SLC25A24: variants seen among roughly 807,000 people sequenced by gnomAD.
SLC25A24 encodes the protein mitochondrial adenyl nucleotide antiporter SLC25A24.
Under a neutral mutation model 60.7 loss-of-function variants are expected in SLC25A24, and 49 were observed. The ratio of observed to expected loss-of-function variants is 0.81; its 90% CI spans 0.64 to 1.02. The LOEUF is 1.02. Ranked by LOEUF, SLC25A24 falls within the 50% of genes least tolerant of loss-of-function variation. The probability of loss-of-function intolerance (pLI) is 0.00; values close to 1 mark genes in which losing one functional copy is unlikely to be tolerated. For missense variants in SLC25A24, 564 were observed against 586.3 expected (o/e 0.96, Z 0.39); for synonymous variants, 202 against 200.6 (o/e 1.01, Z -0.06).
chr1:108,192,423 C>T, intron 1 of SLC25A24: 1 of 1,133,222 alleles, frequency 8.8e-7, no homozygotes. Context: ...GTAAATTTTG[C>T]CCTCTCTGCC....
chr1:108,146,915 T>C lies in SLC25A24; in HGVS notation c.930+1364A>G, dbSNP rs1679608506. 2.0e-5 allele frequency among the ~76,000 whole-genome samples: 3 copies of C among 152,346 alleles called. No homozygotes were observed. The South Asian group carries it at 6.2e-4, about 32-fold the overall frequency. ...TCTCTGCCAGGTTTTAGTATCAGAA[T>C]GATGCTGCCCTCATAAAATGAGTTA... On this transcript the variant is annotated intron_variant, in intron 7 of 9. Transcript: ENST00000565488.
intron 3 of SLC25A24, among the ~76,000 whole-genome samples, chr1:108,170,690 A>T (rs1053625621): frequency 1.3e-5 from 2 of 151,908 alleles, no homozygotes; most frequent in Admixed American, 6.6e-5. Flanking sequence ...TTACTATATA[A>T]TCTATTATTA....
At chr1:108,176,752 C>T (rs1230913307) in intron 3 of SLC25A24, among the ~76,000 whole-genome samples, 4 of 152,052 alleles carry the variant, frequency 2.6e-5, no homozygotes, top group Non-Finnish European at 5.9e-5. Flanking sequence ...AGAAAAATAC[C>T]AACCAAGGGT....
intron 3 of SLC25A24, among the ~76,000 whole-genome samples, chr1:108,179,954 T>C (rs897541248): frequency 2.0e-5 from 3 of 152,184 alleles, no homozygotes; most frequent in African/African-American, 7.2e-5. Flanking sequence ...CTTCAAAACA[T>C]CATGTTGTAC....
chr1:108,183,792 G>C (rs1348668034), intron 2 of SLC25A24, among the ~76,000 whole-genome samples: 1 of 152,184 alleles, frequency 6.6e-6, no homozygotes, highest in Non-Finnish European at 1.5e-5. Context: ...ATACTTGCTA[G>C]TTAATAGTAT....
intron 7 of SLC25A24, among the ~76,000 whole-genome samples, chr1:108,145,918 G>GT (rs1284014198): frequency 1.3e-5 from 2 of 152,124 alleles, no homozygotes; most frequent in African/African-American, 4.8e-5. Context: ...ATTTAAGGTA[G>GT]TTTTTTCTAT....
chr1:108,177,273 A>T (rs1647707858), intron 3 of SLC25A24, among the ~76,000 whole-genome samples: 6 of 152,158 alleles, frequency 3.9e-5, no homozygotes, highest in Admixed American at 3.9e-4. Context: ...ACAAAAAATA[A>T]AAAGCAAGAA....
intron 9 of SLC25A24, 145 bp downstream of exon 9, chr1:108,138,913 G>T (rs1679365056): frequency 1.3e-6 from 1 of 793,720 alleles, no homozygotes; most frequent in Non-Finnish European, 1.8e-6. Flanking sequence ...TTTCTGAAAA[G>T]ATTCCTTAAG....
intron 5 of SLC25A24, 90 bp downstream of exon 5, chr1:108,157,372 G>A: frequency 2.2e-6 from 3 of 1,392,324 alleles, no homozygotes; most frequent in Non-Finnish European, 2.9e-6. Context: ...TTATTACTGA[G>A]AAATTTTAAA....
intron 6 of SLC25A24, 75 bp from the exon 7 acceptor site, chr1:108,148,461 T>C: frequency 1.2e-6 from 1 of 836,990 alleles, no homozygotes; most frequent in East Asian, 2.4e-5. Context: ...ATTCATATGT[T>C]GAAGCTGTAA....
At chr1:108,183,952 A>G (rs1168980157) in intron 2 of SLC25A24, among the ~76,000 whole-genome samples, 1 of 152,200 alleles carries the variant, frequency 6.6e-6, no homozygotes, top group African/African-American at 2.4e-5. Flanking sequence ...CTTTGGGGAT[A>G]AATTTTATTG....
At chr1:108,198,700 T>C (rs1399732983) in intron 1 of SLC25A24, 1 of 152,238 alleles carries the variant, frequency 6.6e-6, no homozygotes, top group East Asian at 1.9e-4. Flanking sequence ...AGAGCTTTTG[T>C]ATATTGTAGG....
intron 2 of SLC25A24, 144 bp from the exon 3 acceptor site, chr1:108,182,172 T>C: frequency 1.8e-6 from 1 of 559,204 alleles, no homozygotes; most frequent in Non-Finnish European, 3.2e-6. Context: ...TAGACTTGCT[T>C]AAATGCCTAT....
rs569630823 is a variant in SLC25A24 at position 108,169,173 on chromosome 1, G to C, written c.399-7880C>G. On this transcript the variant is annotated intron_variant, in intron 3 of 9. Transcript: ENST00000565488. Reference sequence around the variant, plus strand: ...TCTATTATGTTTCACTTGTTAACTTGTCTGTTTCTGTAGAAACAGCACTGA... The same window carrying C: ...TCTATTATGTTTCACTTGTTAACTTCTCTGTTTCTGTAGAAACAGCACTGA... 2.8e-4 allele frequency among the ~76,000 whole-genome samples: 43 copies of C among 152,226 alleles called. No individual in the cohort carries two copies. In the South Asian group the frequency reaches 3.7e-3, roughly 13 times the overall value.
Position 108,135,762 on chromosome 1 carries a change from A to G in SLC25A24, c.*891T>C, listed in dbSNP as rs898137833. 2.0e-5 allele frequency: 3 copies of G among 152,650 alleles called. No individual in the cohort carries two copies. Among genetic ancestry groups the G allele is most frequent in the Non-Finnish European group, 4.4e-5 (3 of 68,038 alleles). The allele number at this position is 152,650 out of a possible 1,614,324, so 9.5% of individuals were successfully genotyped here. ...CATTTGCTCATGATCAATCCACTTC[A>G]TGCAATTAAAAAAGAAATTTCAGGT... On this transcript the variant is annotated 3_prime_UTR_variant, in exon 10 of 10. Coordinates refer to ENST00000565488, the MANE Select transcript of SLC25A24 (RefSeq NM_013386.5).
intron 1 of SLC25A24, chr1:108,192,636 T>C: frequency 6.7e-7 from 1 of 1,492,788 alleles, no homozygotes; most frequent in Non-Finnish European, 9.0e-7. Flanking sequence ...GATGTCTCCC[T>C]CGCAGCTCCG....
At chr1:108,155,282 A>G in intron 5 of SLC25A24, 147 bp from the exon 6 acceptor site, 1 of 729,938 alleles carries the variant, frequency 1.4e-6, no homozygotes, top group South Asian at 2.2e-5. Context: ...AAAAATATAT[A>G]TAATGATGAG....
intron 2 of SLC25A24, among the ~76,000 whole-genome samples, chr1:108,183,400 T>C (rs755677052): frequency 6.6e-6 from 1 of 152,206 alleles, no homozygotes; most frequent in Non-Finnish European, 1.5e-5. Flanking sequence ...TTCACAGCAA[T>C]CATCTTCCAT....
chr1:108,167,599 C>A (rs1202765376), intron 3 of SLC25A24, among the ~76,000 whole-genome samples: 2 of 152,248 alleles, frequency 1.3e-5, no homozygotes, highest in Admixed American at 6.5e-5. Flanking sequence ...AAAGGGAACT[C>A]CCTGACCCCT....
Sources: gnomAD v4.1 joint callset for allele counts (sites outside exome capture counted in the v4.1 genomes callset) on GRCh38, gnomAD v4.1.1 for gene constraint, MANE v1.5 for transcripts, NCBI Gene and HGNC (gene_info 2026-07-23, HGNC 2026-07-21) for gene names.